DMXL2: variants seen among roughly 807,000 people sequenced by gnomAD.
DMXL2 encodes the protein dmX-like protein 2.
Under a neutral mutation model 331.1 loss-of-function variants are expected in DMXL2, and 103 were observed. The observed-to-expected ratio is 0.31, with a 90% CI of 0.27 to 0.37. DMXL2 has a LOEUF of 0.37. Ranked by LOEUF, DMXL2 falls within the 10% of genes least tolerant of loss-of-function variation. The probability of loss-of-function intolerance (pLI) is 1.00; values close to 1 mark genes in which losing one functional copy is unlikely to be tolerated. For synonymous variants in DMXL2, 1,281 were observed against 1,252.1 expected, an observed-to-expected ratio of 1.02 and a Z score of -0.49; for missense variants, 3,171 against 3,642.9, an observed-to-expected ratio of 0.87 and a Z score of 3.33.
At chr15:51,453,716 G>T in intron 40 of DMXL2, 75 bp from the exon 41 acceptor site, 2 of 1,198,374 alleles carry the variant, frequency 1.7e-6, no homozygotes, top group Non-Finnish European at 2.4e-6. Context: ...ATACATGTCT[G>T]CTAATAACAT....
At chr15:51,564,087 T>C in intron 5 of DMXL2, 38 bp downstream of exon 5, 1 of 1,556,256 alleles carries the variant, frequency 6.4e-7, no homozygotes, top group African/African-American at 1.4e-5. Context: ...AGCACTTGCT[T>C]TTAATTAATG....
chr15:51,611,005 T>G (rs2053929717), intron 1 of DMXL2, among the ~76,000 whole-genome samples: 1 of 152,020 alleles, frequency 6.6e-6, no homozygotes, highest in African/African-American at 2.4e-5. Flanking sequence ...GAAGAAAACG[T>G]ACATTCTAAA....
Position 51,449,185 on chromosome 15 carries a change from T to C in DMXL2, c.8976A>G (p.Arg2992=). The change falls in exon 44 of 44, where the codon AGA becomes AGG. Residue 2992 remains arginine, a synonymous_variant. Transcript: ENST00000560891. ...AATGAATTAGGCCATGGCCTGTCAA[T>C]CTCCAAACCTAGTGCAAAACAAAAG... The part of the protein sequence containing the change: ...GSAEGNIKVW[R]LTGHGLIHSF... The C allele has an allele frequency of 6.2e-7, 1 of 1,614,056 alleles. No homozygotes were observed. Among genetic ancestry groups the C allele is most frequent in the Non-Finnish European group, 8.5e-7 (1 of 1,179,982 alleles).
intron 1 of DMXL2, among the ~76,000 whole-genome samples, chr15:51,599,492 C>T (rs545089121): frequency 6.6e-6 from 1 of 152,320 alleles, no homozygotes; most frequent in Non-Finnish European, 1.5e-5. Flanking sequence ...CACACCAATA[C>T]AAACATCCGT....
chr15:51,501,558 A>G (rs1048304392), intron 17 of DMXL2, among the ~76,000 whole-genome samples: 3 of 152,224 alleles, frequency 2.0e-5, no homozygotes, highest in Admixed American at 2.0e-4. Flanking sequence ...TTACAAATGA[A>G]TGTATTTGTT....
chr15:51,528,477 T>C (rs890227012), intron 13 of DMXL2, among the ~76,000 whole-genome samples: 5 of 152,128 alleles, frequency 3.3e-5, no homozygotes, highest in African/African-American at 1.2e-4. Context: ...TTTCTGATAC[T>C]ATGTATCAGA....
rs1331038745 is a variant in DMXL2, at chr15:51,567,511, T to C, written c.285+976A>G. ...ACAATTTTTTAAAGGGTGGTCAAGG[T>C]AAACCTCATTGACAAGGTATTAGTG... is the stretch of plus-strand genomic sequence containing the variant. On this transcript the variant is annotated intron_variant, in intron 3 of 43. Transcript: ENST00000560891. 4 of 152,192 alleles carry C rather than the reference T, an allele frequency of 2.6e-5. No individual in the cohort carries two copies. The South Asian group carries it at 8.3e-4, about 31-fold the overall frequency. The allele number at this position is 152,192 out of a possible 1,614,324, so 9.4% of individuals were successfully genotyped here. A position where few individuals can be genotyped will look rare whatever the true frequency, so the allele number is the denominator to read the frequency against.
intron 1 of DMXL2, among the ~76,000 whole-genome samples, chr15:51,580,253 T>A (rs1002543310): frequency 2.0e-5 from 3 of 152,130 alleles, no homozygotes; most frequent in Non-Finnish European, 4.4e-5. Flanking sequence ...GAGGAAGAAT[T>A]TATAGTGCAG....
At chr15:51,551,350 C>T (rs1020916832) in intron 6 of DMXL2, among the ~76,000 whole-genome samples, 4 of 152,016 alleles carry the variant, frequency 2.6e-5, no homozygotes, top group African/African-American at 7.3e-5. Context: ...GTGACTAACA[C>T]AATGAAAATA....
intron 1 of DMXL2, among the ~76,000 whole-genome samples, chr15:51,586,983 TA>T (rs34212997): frequency 1.9e-4 from 28 of 144,354 alleles, no homozygotes; most frequent in Non-Finnish European, 2.9e-4. Flanking sequence ...CAAAAATCTC[TA>T]AAAAAAAAAA....
At chr15:51,609,522 T>C (rs1165595554) in intron 1 of DMXL2, among the ~76,000 whole-genome samples, 1 of 152,224 alleles carries the variant, frequency 6.6e-6, no homozygotes, top group African/African-American at 2.4e-5. Flanking sequence ...GATACACAAA[T>C]ACCAATGCAG....
chr15:51,504,563 T>C (rs1401308519), intron 16 of DMXL2, among the ~76,000 whole-genome samples: 2 of 152,236 alleles, frequency 1.3e-5, no homozygotes, highest in Non-Finnish European at 2.9e-5. Context: ...AAGGCAGGGA[T>C]GATGTGTTGT....
intron 1 of DMXL2, among the ~76,000 whole-genome samples, chr15:51,618,148 T>C (rs1481812278): frequency 2.6e-5 from 4 of 152,176 alleles, no homozygotes. Context: ...TTGATTCCCC[T>C]GGCCAAAAGT....
At chr15:51,456,510 A>G in intron 37 of DMXL2, 141 bp from the exon 38 acceptor site, 1 of 592,714 alleles carries the variant, frequency 1.7e-6, no homozygotes, top group East Asian at 2.9e-5. Flanking sequence ...GTTCTGAACC[A>G]CTACATAGAA....
intron 6 of DMXL2, among the ~76,000 whole-genome samples, chr15:51,554,962 A>G (rs772981688): frequency 4.6e-5 from 7 of 152,216 alleles, no homozygotes; most frequent in Non-Finnish European, 7.3e-5. Flanking sequence ...GTTCGAGACC[A>G]GCCTGGCCAT....
chr15:51,515,868 C>T (rs1368739357), intron 14 of DMXL2, among the ~76,000 whole-genome samples: 1 of 152,132 alleles, frequency 6.6e-6, no homozygotes, highest in Admixed American at 6.5e-5. Context: ...AGGAAGCCAA[C>T]CCACTCTTCT....
intron 23 of DMXL2, among the ~76,000 whole-genome samples, chr15:51,483,069 G>T (rs191479745): frequency 6.6e-6 from 1 of 152,270 alleles, no homozygotes; most frequent in East Asian, 1.9e-4. Flanking sequence ...AAGGTAAACA[G>T]AAGATCCCCA....
chr15:51,588,144 C>G (rs2052003038), intron 1 of DMXL2, among the ~76,000 whole-genome samples: 1 of 146,316 alleles, frequency 6.8e-6, no homozygotes, highest in South Asian at 2.2e-4. Context: ...ATGGTGATGA[C>G]CCAATATTGT....
chr15:51,580,700 T>C (rs1365953532), intron 1 of DMXL2, among the ~76,000 whole-genome samples: 5 of 152,126 alleles, frequency 3.3e-5, no homozygotes, highest in Non-Finnish European at 7.3e-5. Context: ...GGATTTGTTT[T>C]ATAAAAGGAC....
Sources: gnomAD v4.1 joint callset for allele counts (sites outside exome capture counted in the v4.1 genomes callset) on GRCh38, gnomAD v4.1.1 for gene constraint, MANE v1.5 for transcripts, NCBI Gene and HGNC (gene_info 2026-07-23, HGNC 2026-07-21) for gene names.